VCL: variants seen among roughly 807,000 people sequenced by gnomAD.
VCL encodes the protein epididymis luminal protein 114.
VCL carries 47 observed loss-of-function variants against 125.7 expected under a neutral mutation model. That is an observed-to-expected ratio of 0.37 (90% CI 0.30 to 0.48). The LOEUF (loss-of-function observed/expected upper bound fraction) is 0.48, where lower values mean the gene tolerates loss of function less well. Ranked by LOEUF, VCL falls within the 20% of genes least tolerant of loss-of-function variation. The pLI, the probability that VCL is intolerant of heterozygous loss-of-function variation, is 0.99. For synonymous variants in VCL, 458 were observed against 514.6 expected (o/e 0.89, Z 1.49); for missense variants, 1,069 against 1,455.5 (o/e 0.73, Z 4.32).
At chr10:74,092,176 G>A (rs1334465962) in intron 10 of VCL, among the ~76,000 whole-genome samples, 4 of 152,050 alleles carry the variant, frequency 2.6e-5, no homozygotes, top group Admixed American at 6.6e-5. Flanking sequence ...CCAAGTCCTG[G>A]GATTACAGGT....
At chr10:74,034,373 C>T (rs746939404) in intron 1 of VCL, among the ~76,000 whole-genome samples, 1 of 152,094 alleles carries the variant, frequency 6.6e-6, no homozygotes, top group Admixed American at 6.6e-5. Flanking sequence ...CCATGCTTTC[C>T]CATATCTTGC....
At chr10:74,096,150 C>CTTCT (rs1554818380) in intron 12 of VCL, among the ~76,000 whole-genome samples, 82 of 20,026 alleles carry the variant, frequency 4.1e-3, no homozygotes, top group Middle Eastern at 0.036. Context: ...TTAAAATGGA[C>CTTCT]TTTTTTTTTT....
chr10:74,104,786 G>C (rs937199853), intron 15 of VCL: 1 of 496,268 alleles, frequency 2.0e-6, no homozygotes, highest in Non-Finnish European at 3.6e-6. Flanking sequence ...TTGCATTTCT[G>C]GTTGTCTGGG....
At position 74,035,270 on chromosome 10, in the gene VCL, G is replaced by T. The variant is rs576877334; in HGVS notation, c.169-7813G>T. ...TTTTTTTCTTTCTTTTTTTTTTTTTGCTGGAAAGAAACCAAATCTCTCTAC... is the reference window on the plus strand; with the variant it reads ...TTTTTTTCTTTCTTTTTTTTTTTTTTCTGGAAAGAAACCAAATCTCTCTAC... On this transcript the variant is annotated intron_variant, in intron 1 of 21. Transcript: ENST00000211998. 9.9e-3 allele frequency among the ~76,000 whole-genome samples: 1,283 copies of T among 129,316 alleles called. 12 individuals are homozygous for T. The highest frequency in any genetic ancestry group is 0.015 in the Non-Finnish European group (937 of 60,508). The allele number at this position is 129,316 out of a possible 152,430, so 84.8% of individuals were successfully genotyped here. A position where few individuals can be genotyped will look rare whatever the true frequency, so the allele number is the denominator to read the frequency against.
chr10:74,114,209 A>G lies in VCL; in HGVS notation c.2975A>G (p.Lys992Arg), dbSNP rs759883391. ...GGCAATGACATCATTGCAGCAGCCA[A>G]GCGCATGGCTCTGCTGATGGCTGAG... The part of the protein sequence containing the change: ...SKGNDIIAAA[K>R]RMALLMAEMS... The change falls in exon 20 of 22, where the codon AAG (lysine) becomes AGG (arginine). Residue 992 changes from lysine to arginine, a missense_variant. Physicochemically the swap from Lys to Arg is conservative, Grantham distance 26. Transcript: ENST00000211998. The G allele has an allele frequency of 6.2e-7, 1 of 1,613,694 alleles. No individual in the cohort carries two copies. Among genetic ancestry groups the G allele is most frequent in the South Asian group, 1.1e-5 (1 of 91,036 alleles).
rs1400549981 is a variant in VCL at position 74,103,804 on chromosome 10, G to GT, written c.2023-12dup. ...CAAGGGTGCTCTGGTGTTTAAAGGTGTTTTGTCATTGTCAGGTGGTCTCGG... is the reference window on the plus strand; with the variant it reads ...CAAGGGTGCTCTGGTGTTTAAAGGTGTTTTTGTCATTGTCAGGTGGTCTCGG... On this transcript the variant is annotated splice_polypyrimidine_tract_variant and intron_variant, in intron 14 of 21. Coordinates refer to ENST00000211998, the MANE Select transcript of VCL (RefSeq NM_014000.3). 6.2e-7 allele frequency: 1 copy of GT among 1,612,492 alleles called. No homozygotes were observed. The highest frequency in any genetic ancestry group is 1.3e-5 in the African/African-American group (1 of 74,860).
intron 10 of VCL, among the ~76,000 whole-genome samples, chr10:74,092,366 T>C (rs1839903134): frequency 6.6e-6 from 1 of 152,212 alleles, no homozygotes; most frequent in Non-Finnish European, 1.5e-5. Context: ...GCAGTTTTTT[T>C]CTTTGTGATA....
intron 2 of VCL, among the ~76,000 whole-genome samples, chr10:74,053,663 T>C (rs1182034923): frequency 6.6e-6 from 1 of 152,270 alleles, no homozygotes; most frequent in East Asian, 1.9e-4. Context: ...TGGGCTGTAG[T>C]GCAATGACAT....
At chr10:74,087,595 C>T (rs755418421) in intron 8 of VCL, among the ~76,000 whole-genome samples, 32 of 146,174 alleles carry the variant, frequency 2.2e-4, no homozygotes, top group Admixed American at 8.3e-4. Flanking sequence ...CTCGTGACCT[C>T]GTGATCCGCC....
At chr10:74,038,015 T>G (rs200284220) in intron 1 of VCL, among the ~76,000 whole-genome samples, 4 of 123,646 alleles carry the variant, frequency 3.2e-5, no homozygotes, top group African/African-American at 1.3e-4. Context: ...TTTTTTTTTT[T>G]GAGACGGAGT....
intron 18 of VCL, among the ~76,000 whole-genome samples, chr10:74,110,324 CAAACTT>C (rs1026618663): frequency 1.7e-4 from 26 of 152,184 alleles, no homozygotes; most frequent in African/African-American, 5.8e-4. Flanking sequence ...AAAAAACAAA[CAAACTT>C]AAAAGCAGAC....
At chr10:74,064,408 AC>A (rs1841531898) in intron 2 of VCL, among the ~76,000 whole-genome samples, 1 of 150,184 alleles carries the variant, frequency 6.7e-6, no homozygotes, top group South Asian at 2.1e-4. Flanking sequence ...CATACAAAAG[AC>A]ACTTTTTTTT....
chr10:74,017,045 CCTTTT>C lies in VCL; in HGVS notation c.168+18671_168+18675del, dbSNP rs1399008886. Among the ~76,000 whole-genome samples, 6 of 99,284 alleles carry C rather than the reference CCTTTT, an allele frequency of 6.0e-5. No homozygotes were observed. The Admixed American group carries it at 7.1e-4, about 12-fold the overall frequency. 65.1% of individuals were successfully genotyped at this position (99,284 alleles called of 152,430 possible). On this transcript the variant is annotated intron_variant, in intron 1 of 21. Transcript: ENST00000211998. ...TTGTAGCATATGTCAGAATTTCCTT[CCTTTT>C]TTTTTTTTTTTTTTTGAGACGGAGT...
intron 21 of VCL, among the ~76,000 whole-genome samples, chr10:74,117,290 C>T (rs1329545540): frequency 6.6e-6 from 1 of 151,878 alleles, no homozygotes; most frequent in Non-Finnish European, 1.5e-5. Context: ...CAGAAAAAAC[C>T]CTCAAAACTC....
intron 2 of VCL, among the ~76,000 whole-genome samples, chr10:74,070,331 C>T (rs1841644819): frequency 6.6e-6 from 1 of 152,108 alleles, no homozygotes. Context: ...ATAGAGCAAC[C>T]TGAAGTCAAA....
At chr10:74,081,064 T>G (rs1839666740) in intron 6 of VCL, among the ~76,000 whole-genome samples, 1 of 152,246 alleles carries the variant, frequency 6.6e-6, no homozygotes, top group Non-Finnish European at 1.5e-5. Flanking sequence ...CTTATGATTC[T>G]GCCTTTTATT....
In VCL at chr10:73,998,227, G is replaced by A. The variant is rs764871020; in HGVS notation, c.20G>A (p.Arg7His). The A allele has an allele frequency of 1.9e-6, 3 of 1,612,818 alleles. No homozygotes were observed. The highest frequency in any genetic ancestry group is 2.2e-5 in the South Asian group (2 of 90,870). The change falls in exon 1 of 22, where the codon CGC (arginine) becomes CAC (histidine). Residue 7 changes from arginine (R) to histidine (H), a missense_variant. Arg to His is a conservative substitution (Grantham distance 29). Transcript: ENST00000211998. ...GCCGCGATGCCAGTGTTTCATACGC[G>A]CACGATCGAGAGCATCCTGGAGCCG... MPVFHT[R>H]TIESILEPVA...
chr10:74,009,375 C>T (rs371098797), intron 1 of VCL, among the ~76,000 whole-genome samples: 2 of 152,214 alleles, frequency 1.3e-5, no homozygotes, highest in African/African-American at 4.8e-5. Context: ...TCTCCCACCT[C>T]AGCCTCCCGA....
intron 4 of VCL, among the ~76,000 whole-genome samples, chr10:74,072,297 CAT>C (rs1289171145): frequency 1.3e-5 from 2 of 151,972 alleles, no homozygotes; most frequent in Non-Finnish European, 2.9e-5. Flanking sequence ...GAAAACAAAA[CAT>C]ATCATTGTTA....
Sources: allele counts gnomAD v4.1 joint callset (sites outside exome capture counted in the v4.1 genomes callset), GRCh38; gene constraint gnomAD v4.1.1; transcripts MANE v1.5; gene names NCBI Gene and HGNC (gene_info 2026-07-23, HGNC 2026-07-21).